Variants in USP54 observed in about 807,000 individuals in gnomAD.
The protein encoded by USP54 is ubiquitin carboxyl-terminal hydrolase 54.
A neutral mutation model predicts 170.5 loss-of-function variants in USP54; 87 were observed. The ratio of observed to expected loss-of-function variants is 0.51; its 90% CI spans 0.43 to 0.61. The LOEUF is 0.61. Ranked by LOEUF, USP54 falls within the 20% of genes least tolerant of loss-of-function variation. USP54 has a pLI of 0.00. For missense variants in USP54, 1,786 were observed against 2,047.8 expected, an observed-to-expected ratio of 0.87 and a Z score of 2.47; for synonymous variants, 655 against 742.8, an observed-to-expected ratio of 0.88 and a Z score of 1.92.
intron 21 of USP54, 147 bp from the exon 22 acceptor site, chr10:73,505,137 C>G: frequency 1.5e-6 from 2 of 1,296,056 alleles, no homozygotes; most frequent in Non-Finnish European, 2.1e-6. Context: ...AGATAGTGGC[C>G]ATGTAACAAT....
Position 73,523,687 on chromosome 10 carries a change from T to C in USP54, c.2258A>G (p.Gln753Arg). The change falls in exon 17 of 24, where the codon CAG (glutamine) becomes CGG (arginine). Residue 753 changes from glutamine to arginine, a missense_variant. Gln to Arg is a conservative substitution (Grantham distance 43). Coordinates refer to ENST00000687698, the MANE Select transcript of USP54 (RefSeq NM_001391956.1). ...CCGTTTTCTTCGAAGTTCCTGTTCC[T>C]GCGCCCTCCTGGCCACCTCTTCCTG... ...ELQEEVARRA[Q>R]EQELRRKREK... The C allele has an allele frequency of 6.2e-7, 1 of 1,614,030 alleles. No homozygotes were observed.
intron 4 of USP54, among the ~76,000 whole-genome samples, chr10:73,571,070 G>C (rs1302789050): frequency 6.7e-6 from 1 of 150,360 alleles, no homozygotes; most frequent in Non-Finnish European, 1.5e-5. Flanking sequence ...CCCAGGAGGC[G>C]GAGGCTGCAG....
intron 16 of USP54, 92 bp downstream of exon 16, chr10:73,526,555 T>C (rs937007038): frequency 2.6e-6 from 4 of 1,555,832 alleles, no homozygotes; most frequent in Admixed American, 1.8e-5. Flanking sequence ...CCTGTAACTG[T>C]CCTCTAATTT....
chr10:73,539,850 G>A (rs983043556), intron 9 of USP54, among the ~76,000 whole-genome samples: 2 of 152,156 alleles, frequency 1.3e-5, no homozygotes, highest in African/African-American at 2.4e-5. Context: ...TTTAGGCCCA[G>A]TGTGGTGGCT....
intron 4 of USP54, among the ~76,000 whole-genome samples, chr10:73,556,771 A>G (rs1040066656): frequency 4.6e-5 from 7 of 152,162 alleles, no homozygotes; most frequent in Non-Finnish European, 1.0e-4. Context: ...CCAATTAACA[A>G]GTGGACTACG....
chr10:73,559,013 A>G (rs963927221), intron 4 of USP54, among the ~76,000 whole-genome samples: 4 of 152,208 alleles, frequency 2.6e-5, no homozygotes, highest in Non-Finnish European at 2.9e-5. Context: ...TATCTATTGA[A>G]AAAAATACAT....
At chr10:73,545,015 A>G (rs1003265053) in intron 5 of USP54, among the ~76,000 whole-genome samples, 2 of 152,122 alleles carry the variant, frequency 1.3e-5, no homozygotes, top group Admixed American at 6.6e-5. Flanking sequence ...CCCGGCCTCA[A>G]ATTTTCTAAA....
Position 73,497,590 on chromosome 10 carries a change from G to A in USP54, c.*1039C>T, listed in dbSNP as rs1214151229. 9.2e-5 allele frequency: 14 copies of A among 152,238 alleles called. No individual in the cohort carries two copies. Among genetic ancestry groups the A allele is most frequent in the Admixed American group, 7.9e-4 (12 of 15,280 alleles). The allele number at this position is 152,238 out of a possible 1,614,324, so 9.4% of individuals were successfully genotyped here. ...TAATGAAAAATACTTTACAAAAACA[G>A]TATGTTTGGCCTAAAATAGTTCAGC... is the stretch of plus-strand genomic sequence containing the variant. On this transcript the variant is annotated 3_prime_UTR_variant, in exon 24 of 24. Transcript: ENST00000687698.
chr10:73,590,549 C>T (rs1045111854), intron 1 of USP54, among the ~76,000 whole-genome samples: 5 of 151,910 alleles, frequency 3.3e-5, no homozygotes, highest in South Asian at 2.1e-4. Context: ...AAACACAAAA[C>T]GCAAGGAAAT....
Position 73,603,956 on chromosome 10 carries a change from T to TA in USP54, c.-18+21610dup, listed in dbSNP as rs900895114. ...TCACACTTATTAGGATGGCTACTAT[T>TA]AAAAAAAAAGGTGGCCAGGCACAGT... is the stretch of plus-strand genomic sequence containing the variant. On this transcript the variant is annotated intron_variant, in intron 1 of 22. Transcript: ENST00000339859. Among the ~76,000 whole-genome samples, 13 of 149,924 alleles carry TA rather than the reference T, an allele frequency of 8.7e-5. No homozygotes were observed. In the East Asian group the frequency reaches 9.9e-4, roughly 11 times the overall value.
chr10:73,615,587 A>G (rs2080555234), intron 1 of USP54, among the ~76,000 whole-genome samples: 1 of 150,304 alleles, frequency 6.7e-6, no homozygotes, highest in Non-Finnish European at 1.5e-5. Flanking sequence ...CCCAATAAAT[A>G]TACACACCTA....
chr10:73,595,832 G>A (rs76436642), upstream of USP54, among the ~76,000 whole-genome samples: 5,363 of 152,248 alleles, frequency 0.035, 154 homozygotes, highest in South Asian at 0.12. Flanking sequence ...GTAATCAGCC[G>A]GGCGCGGTGG....
chr10:73,534,675 AGT>A lies in USP54; in HGVS notation c.1238_1239del (p.His413LeufsTer4). 1 of 1,614,192 alleles carries A rather than the reference AGT, an allele frequency of 6.2e-7. No individual in the cohort carries two copies. The highest frequency in any genetic ancestry group is 8.5e-7 in the Non-Finnish European group (1 of 1,180,016). On this transcript the variant is annotated frameshift_variant, in exon 12 of 24. Transcript: ENST00000687698. LOFTEE classifies it high-confidence loss of function. ...KHSHHESVVS[H>X]FSSDSQGTVI... is the part of the protein sequence containing the mutation. ...ACTGTCCCCTGAGAATCAGAAGAGA[AGT>A]GACTGACCACAGACTCATGGTGGGA... is the stretch of plus-strand genomic sequence containing the variant.
chr10:73,575,693 A>G lies in USP54; in HGVS notation c.-17-18T>C, dbSNP rs781659953. The G allele has an allele frequency of 1.4e-5, 21 of 1,541,788 alleles. No individual in the cohort carries two copies. Among genetic ancestry groups the G allele is most frequent in the Non-Finnish European group, 1.8e-5 (21 of 1,140,628 alleles). On this transcript the variant is annotated intron_variant, in intron 2 of 23. Transcript: ENST00000687698. ...CATTTAGCCTGAAAAAAAAATGGAG[A>G]AGGATTTGTGCCTTTTTGGCAGGAA...
chr10:73,514,382 GT>G (rs1484325054), intron 20 of USP54, among the ~76,000 whole-genome samples: 1 of 151,906 alleles, frequency 6.6e-6, no homozygotes, highest in Admixed American at 6.6e-5. Context: ...GGCCAACATG[GT>G]GAACCCCATC....
intron 4 of USP54, among the ~76,000 whole-genome samples, chr10:73,563,754 A>G (rs1174208526): frequency 6.6e-6 from 1 of 152,052 alleles, no homozygotes; most frequent in East Asian, 1.9e-4. Flanking sequence ...TATTTTTTAT[A>G]GGAATTTTCT....
intron 4 of USP54, among the ~76,000 whole-genome samples, chr10:73,562,423 T>G (rs1345843583): frequency 6.6e-6 from 1 of 152,210 alleles, no homozygotes; most frequent in Non-Finnish European, 1.5e-5. Context: ...AACACAACTA[T>G]CCTGAATTTT....
At chr10:73,507,629 A>G (rs7093077) in intron 20 of USP54, among the ~76,000 whole-genome samples, 6,460 of 140,394 alleles carry the variant, frequency 0.046, 448 homozygotes, top group African/African-American at 0.15. Flanking sequence ...AGTCAACATC[A>G]CGCCACTGAA....
intron 5 of USP54, 105 bp downstream of exon 5, chr10:73,545,433 G>A (rs2067572614): frequency 4.9e-6 from 7 of 1,420,778 alleles, no homozygotes; most frequent in Non-Finnish European, 5.8e-6. Context: ...AGTTCTAACT[G>A]TAGAGATAAG....
Sources: allele counts gnomAD v4.1 joint callset (sites outside exome capture counted in the v4.1 genomes callset), GRCh38; gene constraint gnomAD v4.1.1; transcripts MANE v1.5; gene names NCBI Gene and HGNC (gene_info 2026-07-23, HGNC 2026-07-21).